ARFIP1: variants seen among roughly 807,000 people sequenced by gnomAD.
The protein encoded by ARFIP1 is ARF interacting protein 1.
In ARFIP1, 24 loss-of-function variants were observed where a neutral mutation model predicts 42.5. The observed-to-expected ratio is 0.57, with a 90% CI of 0.41 to 0.80. ARFIP1 has a LOEUF of 0.80. Ranked by LOEUF, ARFIP1 falls within the 30% of genes least tolerant of loss-of-function variation. ARFIP1 has a pLI of 0.00. For missense variants in ARFIP1, 354 were observed against 434.0 expected (o/e 0.82, Z 1.64); for synonymous variants, 141 against 153.7 (o/e 0.92, Z 0.61).
chr4:152,804,648 A>G (rs552746375), intron 1 of ARFIP1, among the ~76,000 whole-genome samples: 3 of 150,506 alleles, frequency 2.0e-5, no homozygotes, highest in South Asian at 2.1e-4. Context: ...TCATTAAGCA[A>G]ATTTCCTAAT....
chr4:152,784,102 A>G (rs181770312), intron 1 of ARFIP1, among the ~76,000 whole-genome samples: 38 of 152,358 alleles, frequency 2.5e-4, no homozygotes, highest in African/African-American at 8.9e-4. Flanking sequence ...AAACTTTAAT[A>G]TGGTTATGGA....
intron 8 of ARFIP1, among the ~76,000 whole-genome samples, chr4:152,892,156 C>G (rs1454415917): frequency 6.6e-6 from 1 of 152,152 alleles, no homozygotes; most frequent in Non-Finnish European, 1.5e-5. Context: ...GTTTTCCCAC[C>G]TCAGCCTCCC....
chr4:152,900,873 A>G (rs980435507), intron 8 of ARFIP1, among the ~76,000 whole-genome samples: 6 of 152,244 alleles, frequency 3.9e-5, no homozygotes, highest in Non-Finnish European at 7.3e-5. Flanking sequence ...ACCAGCTACT[A>G]TCCCAATATT....
chr4:152,851,209 C>T lies in ARFIP1; in HGVS notation c.94-12397C>T, dbSNP rs183236711. 1.3e-5 allele frequency among the ~76,000 whole-genome samples: 2 copies of T among 152,254 alleles called. 1 individual carries two copies. Among genetic ancestry groups the T allele is most frequent in the South Asian group, 4.1e-4 (2 of 4,834 alleles). On this transcript the variant is annotated intron_variant, in intron 2 of 8. Transcript: ENST00000353617. ...AAGCTTCCTGATCTTAGCATATGGT[C>T]TTCGGAATGGGAAGAGAGGATATAG...
chr4:152,871,550 A>G (rs1352810215), intron 4 of ARFIP1, among the ~76,000 whole-genome samples: 1 of 151,682 alleles, frequency 6.6e-6, no homozygotes, highest in Admixed American at 6.6e-5. Context: ...TGGTAAAGCT[A>G]TGGGAAAGAT....
At position 152,843,624 on chromosome 4, in the gene ARFIP1, A is replaced by G. The variant is rs888858039; in HGVS notation, c.93+13898A>G. Among the ~76,000 whole-genome samples the G allele has an allele frequency of 2.0e-5, 3 of 152,158 alleles. No homozygotes were observed. The East Asian group carries it at 5.8e-4, about 29-fold the overall frequency. ...TCTGGGGGATGGGGGTGAGATTCCC[A>G]GGTCACAGGAGTTGTGTACCTAGGA... On this transcript the variant is annotated intron_variant, in intron 2 of 8. Coordinates refer to ENST00000353617, the MANE Select transcript of ARFIP1 (RefSeq NM_001025595.3).
chr4:152,844,408 G>T (rs1173120385), intron 2 of ARFIP1, among the ~76,000 whole-genome samples: 1 of 152,228 alleles, frequency 6.6e-6, no homozygotes, highest in Non-Finnish European at 1.5e-5. Flanking sequence ...GAATTAAACT[G>T]CAACATATCA....
chr4:152,843,107 G>T (rs556245284), intron 2 of ARFIP1, among the ~76,000 whole-genome samples: 26 of 152,266 alleles, frequency 1.7e-4, no homozygotes, highest in African/African-American at 6.0e-4. Context: ...GTCCTATGGG[G>T]TGTTCGCTTG....
chr4:152,864,503 C>T (rs1424440464), intron 3 of ARFIP1, among the ~76,000 whole-genome samples: 2 of 152,214 alleles, frequency 1.3e-5, no homozygotes, highest in African/African-American at 2.4e-5. Context: ...AGCTTAATCA[C>T]ACAGGAATTG....
Position 152,824,970 on chromosome 4 carries a change from CACATACATACACACACACACACAT to C in ARFIP1, c.-9-4649_-9-4626del, listed in dbSNP as rs796944161. Reference sequence around the variant, plus strand: ...TATATATATACACACACGCACACCACACATACATACACACACACACACATACATATACACACACACACTTAACCA... The same window carrying C: ...TATATATATACACACACGCACACCACACATATACACACACACACTTAACCA... On this transcript the variant is annotated intron_variant, in intron 1 of 8. Coordinates refer to ENST00000353617, the MANE Select transcript of ARFIP1 (RefSeq NM_001025595.3). Among the ~76,000 whole-genome samples, 45 of 151,612 alleles carry C rather than the reference CACATACATACACACACACACACAT, an allele frequency of 3.0e-4. No individual in the cohort carries two copies. The East Asian group carries it at 7.9e-3, about 27-fold the overall frequency.
At chr4:152,793,312 CAAAA>C (rs5863020) in intron 1 of ARFIP1, among the ~76,000 whole-genome samples, 1 of 135,118 alleles carries the variant, frequency 7.4e-6, no homozygotes, top group Non-Finnish European at 1.6e-5. Flanking sequence ...AACTCCGTCT[CAAAA>C]AAAAAAAAAT....
intron 8 of ARFIP1, among the ~76,000 whole-genome samples, chr4:152,909,052 G>A (rs1401629673): frequency 6.6e-6 from 1 of 151,736 alleles, no homozygotes; most frequent in Non-Finnish European, 1.5e-5. Flanking sequence ...ATATTGGATG[G>A]GAATCAGAAT....
intron 2 of ARFIP1, chr4:152,850,757 A>G (rs1033355786): frequency 6.6e-6 from 1 of 152,240 alleles, no homozygotes; most frequent in Non-Finnish European, 1.5e-5. Flanking sequence ...AGAAGTACCA[A>G]TAGAGAGTTT....
At chr4:152,868,292 G>A (rs1176304445) in intron 3 of ARFIP1, among the ~76,000 whole-genome samples, 3 of 152,122 alleles carry the variant, frequency 2.0e-5, no homozygotes, top group Admixed American at 6.6e-5. Flanking sequence ...TTTAATGGGG[G>A]TATAAATCTT....
At chr4:152,818,443 T>C (rs547105507) in intron 1 of ARFIP1, among the ~76,000 whole-genome samples, 2 of 152,312 alleles carry the variant, frequency 1.3e-5, no homozygotes, top group South Asian at 2.1e-4. Flanking sequence ...GGGCTTTGCA[T>C]GCACGCCCAG....
intron 1 of ARFIP1, among the ~76,000 whole-genome samples, chr4:152,814,485 G>A (rs2149834961): frequency 6.6e-6 from 1 of 152,256 alleles, no homozygotes; most frequent in African/African-American, 2.4e-5. Flanking sequence ...TGAGGTGGGA[G>A]GATCATTTGA....
chr4:152,803,039 C>T (rs1434442699), intron 1 of ARFIP1, among the ~76,000 whole-genome samples: 1 of 152,122 alleles, frequency 6.6e-6, no homozygotes, highest in Non-Finnish European at 1.5e-5. Flanking sequence ...AGGAGAATTA[C>T]TGTGTATCCT....
chr4:152,807,458 T>C (rs374916395), intron 1 of ARFIP1, among the ~76,000 whole-genome samples: 8 of 152,198 alleles, frequency 5.3e-5, no homozygotes, highest in Non-Finnish European at 1.0e-4. Context: ...TGAGCCGTTA[T>C]AGTGGTTATG....
At chr4:152,847,487 C>T (rs1732653250) in intron 2 of ARFIP1, among the ~76,000 whole-genome samples, 1 of 151,848 alleles carries the variant, frequency 6.6e-6, no homozygotes, top group Non-Finnish European at 1.5e-5. Context: ...GGATAATCAT[C>T]TTAGTATTAT....
Sources: gnomAD v4.1 joint callset for allele counts (sites outside exome capture counted in the v4.1 genomes callset) on GRCh38, gnomAD v4.1.1 for gene constraint, MANE v1.5 for transcripts, NCBI Gene and HGNC (gene_info 2026-07-23, HGNC 2026-07-21) for gene names.